The following SNTA1 variants were observed in gnomAD, a reference collection of about 807,000 sequenced individuals.
SNTA1 encodes the protein syntrophin alpha 1.
Under a neutral mutation model 47.1 loss-of-function variants are expected in SNTA1, and 31 were observed. That is an observed-to-expected ratio of 0.66 (90% CI 0.49 to 0.89). The LOEUF (loss-of-function observed/expected upper bound fraction) is 0.89. Among genes scored for constraint, SNTA1 ranks in the 40% least tolerant of loss-of-function variants. The probability of loss-of-function intolerance (pLI) is 0.00; values close to 1 mark genes in which losing one functional copy is unlikely to be tolerated. For synonymous variants in SNTA1, 300 were observed against 313.6 expected (o/e 0.96, Z 0.46); for missense variants, 575 against 693.0 (o/e 0.83, Z 1.91).
chr20:33,436,542 A>G (rs1282699883), intron 2 of SNTA1, among the ~76,000 whole-genome samples: 1 of 152,116 alleles, frequency 6.6e-6, no homozygotes, highest in East Asian at 1.9e-4. Flanking sequence ...TTTTTTAAGT[A>G]TCAAAAAAAT....
At position 33,408,848 on chromosome 20, in the gene SNTA1, G is replaced by A; in HGVS notation, c.1278C>T (p.His426=). ...WNGRPCSLSV[H]IDKGFTLWAA... ...CCCACAGTGTGAAGCCCTTGTCGAT[G>A]TGCACAGACAGGCTGCAGGGACGCC... The change falls in exon 7 of 8, where the codon CAC becomes CAT. Residue 426 remains histidine, a synonymous_variant. Coordinates refer to ENST00000217381, the MANE Select transcript of SNTA1 (RefSeq NM_003098.3). 5.0e-6 allele frequency: 8 copies of A among 1,614,204 alleles called. No homozygotes were observed. Among genetic ancestry groups the A allele is most frequent in the Non-Finnish European group, 5.9e-6 (7 of 1,180,048 alleles).
chr20:33,425,968 TG>T (rs1176958082), intron 2 of SNTA1, among the ~76,000 whole-genome samples: 6 of 147,442 alleles, frequency 4.1e-5, no homozygotes, highest in Non-Finnish European at 1.5e-5. Context: ...CCCAGCTACT[TG>T]GGAGGCTGAG....
rs1571609 is a variant in SNTA1 at position 33,420,568 on chromosome 20, A to G, written c.497-2645T>C. On this transcript the variant is annotated intron_variant, in intron 2 of 7. Transcript: ENST00000217381. ...GCCCTCTAGGACATGGGCCCTGCCC[A>G]CAGGTCCTGTCTTCCTCCCTGGCTT... Among the ~76,000 whole-genome samples, 1,125 of 152,226 alleles carry G rather than the reference A, an allele frequency of 7.4e-3. 10 individuals carry two copies. The highest frequency in any genetic ancestry group is 0.026 in the African/African-American group (1,064 of 41,528).
Position 33,443,201 on chromosome 20 carries a change from C to A in SNTA1, c.310+110G>T. ...TACCTGTTTCCTCAGACCCCCCTTA[C>A]CCCCAGACAGGAAGCCTCCAGCTCC... On this transcript the variant is annotated intron_variant, in intron 1 of 7. Transcript: ENST00000217381. The A allele has an allele frequency of 3.7e-6, 3 of 821,004 alleles. No individual in the cohort carries two copies. In the South Asian group the frequency reaches 5.9e-5, roughly 16 times the overall value. 50.9% of individuals were successfully genotyped at this position (821,004 alleles called of 1,614,324 possible). A position where few individuals can be genotyped will look rare whatever the true frequency, so the allele number is the denominator to read the frequency against.
At chr20:33,417,963 G>T in intron 2 of SNTA1, 40 bp from the exon 3 acceptor site, 1 of 1,316,078 alleles carries the variant, frequency 7.6e-7, no homozygotes, top group Non-Finnish European at 1.1e-6. Context: ...CTGTGACATG[G>T]GCTCCCAGCA....
chr20:33,430,232 C>G (rs1305497209), intron 2 of SNTA1, among the ~76,000 whole-genome samples: 2 of 151,592 alleles, frequency 1.3e-5, no homozygotes, highest in Non-Finnish European at 2.9e-5. Flanking sequence ...CTTATTTCAC[C>G]AATTTGATGA....
chr20:33,408,148 G>A lies in SNTA1; in HGVS notation c.*359C>T, dbSNP rs1007322430. 14 of 336,354 alleles carry A rather than the reference G, an allele frequency of 4.2e-5. No individual in the cohort carries two copies. The highest frequency in any genetic ancestry group is 2.9e-4 in the African/African-American group (14 of 47,562). 20.8% of individuals were successfully genotyped at this position (336,354 alleles called of 1,614,324 possible). A position where few individuals can be genotyped will look rare whatever the true frequency, so the allele number is the denominator to read the frequency against. ...TCCAGCTTCAGATGGGACCTCTGGG[G>A]GTGGCTTAGGGGCCTCGAGGAGGCC... On this transcript the variant is annotated 3_prime_UTR_variant, in exon 8 of 8. Coordinates refer to ENST00000217381, the MANE Select transcript of SNTA1 (RefSeq NM_003098.3).
intron 1 of SNTA1, among the ~76,000 whole-genome samples, chr20:33,442,001 T>G (rs1245773157): frequency 6.6e-6 from 1 of 152,176 alleles, no homozygotes; most frequent in East Asian, 1.9e-4. Flanking sequence ...AAGAATCAAC[T>G]TCCCTGAGCA....
intron 2 of SNTA1, among the ~76,000 whole-genome samples, chr20:33,423,966 G>A (rs899931130): frequency 3.3e-5 from 5 of 152,056 alleles, no homozygotes; most frequent in South Asian, 2.1e-4. Context: ...GTCAGTTCCC[G>A]GAGAGCAGGG....
At chr20:33,417,968 C>G in intron 2 of SNTA1, 45 bp from the exon 3 acceptor site, 4 of 1,234,452 alleles carry the variant, frequency 3.2e-6, no homozygotes, top group Non-Finnish European at 2.4e-6. Context: ...ACATGGGCTC[C>G]CAGCACATAT....
chr20:33,410,358 C>T (rs1989711927), intron 5 of SNTA1, 27 bp from the exon 6 acceptor site: 2 of 1,483,376 alleles, frequency 1.3e-6, no homozygotes, highest in Non-Finnish European at 1.9e-6. Flanking sequence ...GAGGGCTGAG[C>T]ATGAGGCCTC....
At position 33,408,882 on chromosome 20, in the gene SNTA1, G is replaced by A. The variant is rs533902889; in HGVS notation, c.1244C>T (p.Thr415Met). 1.6e-5 allele frequency: 26 copies of A among 1,613,758 alleles called. No homozygotes were observed. Among genetic ancestry groups the A allele is most frequent in the African/African-American group, 2.7e-5 (2 of 74,978 alleles). Reference sequence around the variant, plus strand: ...CAGGCTGCAGGGACGCCCATTCCACGTGCAGGCTGCAGGGAGGGCACATAG... The same window carrying A: ...CAGGCTGCAGGGACGCCCATTCCACATGCAGGCTGCAGGGAGGGCACATAG... ...EGVQEVSTAC[T>M]WNGRPCSLSV... The change falls in exon 7 of 8, where the codon ACG becomes ATG. Residue 415 changes from threonine (T) to methionine (M), a missense_variant. Transcript: ENST00000217381.
At chr20:33,429,954 A>G (rs1183911725) in intron 2 of SNTA1, among the ~76,000 whole-genome samples, 1 of 152,074 alleles carries the variant, frequency 6.6e-6, no homozygotes, top group Non-Finnish European at 1.5e-5. Flanking sequence ...TTTTGGAGAG[A>G]CAGGGTTTCG....
At chr20:33,415,158 AACAAAC>A (rs1989843768) in intron 3 of SNTA1, among the ~76,000 whole-genome samples, 1 of 152,156 alleles carries the variant, frequency 6.6e-6, no homozygotes, top group Non-Finnish European at 1.5e-5. Flanking sequence ...ATAACATATA[AACAAAC>A]ACACATGTAC....
At chr20:33,423,064 C>T (rs1990072973) in intron 2 of SNTA1, among the ~76,000 whole-genome samples, 1 of 152,166 alleles carries the variant, frequency 6.6e-6, no homozygotes, top group South Asian at 2.1e-4. Context: ...CCCCAGAATC[C>T]AGCAGAGATC....
At chr20:33,423,943 C>A (rs559295930) in intron 2 of SNTA1, among the ~76,000 whole-genome samples, 99 of 152,236 alleles carry the variant, frequency 6.5e-4, no homozygotes, top group South Asian at 2.5e-3. Context: ...GGCCTTTCTC[C>A]CCTAACCAGA....
intron 2 of SNTA1, among the ~76,000 whole-genome samples, chr20:33,434,094 G>A (rs2146800698): frequency 6.6e-6 from 1 of 152,224 alleles, no homozygotes; most frequent in Non-Finnish European, 1.5e-5. Flanking sequence ...CTCAGTAATG[G>A]GATGTGAGTG....
chr20:33,423,081 G>A (rs1006511897), intron 2 of SNTA1, among the ~76,000 whole-genome samples: 4 of 152,150 alleles, frequency 2.6e-5, no homozygotes, highest in South Asian at 2.1e-4. Context: ...GATCTCATAC[G>A]CTACATGCTC....
At chr20:33,425,240 G>A (rs1235502187) in intron 2 of SNTA1, among the ~76,000 whole-genome samples, 1 of 151,884 alleles carries the variant, frequency 6.6e-6, no homozygotes, top group African/African-American at 2.4e-5. Context: ...ACTACACTCC[G>A]GCCTGGGTGA....
Sources: allele counts gnomAD v4.1 joint callset (sites outside exome capture counted in the v4.1 genomes callset), GRCh38; gene constraint gnomAD v4.1.1; transcripts MANE v1.5; gene names NCBI Gene and HGNC (gene_info 2026-07-23, HGNC 2026-07-21).